The following ANO5 variants were observed in gnomAD, a reference collection of about 807,000 sequenced individuals.
ANO5 encodes anoctamin-5.
ANO5 carries 109 observed loss-of-function variants against 121.0 expected under a neutral mutation model. The ratio of observed to expected loss-of-function variants is 0.90; its 90% CI spans 0.77 to 1.06. The LOEUF is 1.06. Among genes scored for constraint, ANO5 ranks in the 50% least tolerant of loss-of-function variants. The pLI, the probability that ANO5 is intolerant of heterozygous loss-of-function variation, is 0.00. For missense variants in ANO5, 1,064 were observed against 1,078.5 expected (o/e 0.99, Z 0.19); for synonymous variants, 406 against 359.9 (o/e 1.13, Z -1.45).
chr11:22,259,214 C>T (rs1474305859), intron 14 of ANO5, among the ~76,000 whole-genome samples: 1 of 151,954 alleles, frequency 6.6e-6, no homozygotes, highest in Admixed American at 6.5e-5. Flanking sequence ...AGGCCACGGG[C>T]AGGATTTGGC....
Position 22,262,265 on chromosome 11 carries a change from C to G in ANO5, c.1767C>G (p.Tyr589Ter). 1 of 1,613,758 alleles carries G rather than the reference C, an allele frequency of 6.2e-7. No individual in the cohort carries two copies. Among genetic ancestry groups the G allele is most frequent in the Non-Finnish European group, 8.5e-7 (1 of 1,179,906 alleles). ...AGTTCGTAGGCTATCCTGGAAAATA[C>G]ACATATTTATTTAATGAGTGGAGAA... ...KGKFVGYPGK[Y>*]TYLFNEWRSE... Residue 589 changes from tyrosine to a stop codon, truncating the protein, a stop_gained, in exon 16 of 22, where the codon TAC becomes TAG. Transcript: ENST00000324559. LOFTEE classifies it high-confidence loss of function.
Position 22,279,828 on chromosome 11 carries a change from C to A in ANO5, c.*63C>A. On this transcript the variant is annotated 3_prime_UTR_variant, in exon 22 of 22. Transcript: ENST00000324559. ...TTCACTTTATCCTCTGGTTTTAGGG[C>A]CAGACGCCAGAAGCCATGTGTCAAT... 2.9e-6 allele frequency: 4 copies of A among 1,361,434 alleles called. No homozygotes were observed. The highest frequency in any genetic ancestry group is 4.1e-6 in the Non-Finnish European group (4 of 964,432). 84.3% of individuals were successfully genotyped at this position (1,361,434 alleles called of 1,614,324 possible). A position where few individuals can be genotyped will look rare whatever the true frequency, so the allele number is the denominator to read the frequency against.
At chr11:22,243,205 GGTGAAT>G (rs2133679163) in intron 9 of ANO5, among the ~76,000 whole-genome samples, 1 of 152,106 alleles carries the variant, frequency 6.6e-6, no homozygotes, top group Non-Finnish European at 1.5e-5. Context: ...CTATTTATGT[GGTGAAT>G]CACATTTACT....
chr11:22,201,152 T>G (rs955579825), intron 1 of ANO5, among the ~76,000 whole-genome samples: 1 of 152,150 alleles, frequency 6.6e-6, no homozygotes, highest in African/African-American at 2.4e-5. Context: ...GCATGGCAAG[T>G]TATCATTATA....
chr11:22,198,865 T>C (rs1851884881), intron 1 of ANO5, among the ~76,000 whole-genome samples: 1 of 152,214 alleles, frequency 6.6e-6, no homozygotes, highest in Non-Finnish European at 1.5e-5. Flanking sequence ...CCATTCTAAA[T>C]TGGTCTCCTT....
intron 12 of ANO5, among the ~76,000 whole-genome samples, chr11:22,252,622 T>C (rs181290603): frequency 4.7e-4 from 71 of 151,978 alleles, no homozygotes; most frequent in Admixed American, 1.6e-3. Context: ...TGCAAATATT[T>C]TTTTCAGTTT....
intron 17 of ANO5, among the ~76,000 whole-genome samples, chr11:22,263,419 A>G (rs1479295680): frequency 1.3e-5 from 2 of 152,174 alleles, no homozygotes; most frequent in African/African-American, 4.8e-5. Context: ...AGTTTATTCT[A>G]CATGCTGTGT....
In ANO5 at chr11:22,262,265, C is replaced by A. The variant is rs188150039; in HGVS notation, c.1767C>A (p.Tyr589Ter). The A allele has an allele frequency of 2.5e-6, 4 of 1,613,758 alleles. No individual in the cohort carries two copies. The highest frequency in any genetic ancestry group is 1.7e-5 in the Admixed American group (1 of 60,008). The change falls in exon 16 of 22, where the codon TAC (tyrosine) becomes TAA (stop). Residue 589 changes from tyrosine to a stop codon, truncating the protein, a stop_gained. Coordinates refer to ENST00000324559, the MANE Select transcript of ANO5 (RefSeq NM_213599.3). LOFTEE classifies it high-confidence loss of function. Reference protein sequence around the residue: ...KGKFVGYPGKYTYLFNEWRSE... With the variant: ...KGKFVGYPGK ...AGTTCGTAGGCTATCCTGGAAAATA[C>A]ACATATTTATTTAATGAGTGGAGAA...
intron 12 of ANO5, among the ~76,000 whole-genome samples, chr11:22,252,022 G>A (rs1271130645): frequency 1.2e-5 from 1 of 80,426 alleles, no homozygotes; most frequent in African/African-American, 5.8e-5. Context: ...AGAGCAAGAC[G>A]CCGTCTCAAA....
At chr11:22,262,794 A>G (rs1275126830) in intron 16 of ANO5, 152 bp from the exon 17 acceptor site, 1 of 684,316 alleles carries the variant, frequency 1.5e-6, no homozygotes, top group Non-Finnish European at 2.6e-6. Flanking sequence ...CTGGTCTGTG[A>G]TCAGGTTTGG....
At chr11:22,266,853 T>G (rs1451557611) in intron 17 of ANO5, among the ~76,000 whole-genome samples, 1 of 152,136 alleles carries the variant, frequency 6.6e-6, no homozygotes, top group Non-Finnish European at 1.5e-5. Context: ...TTGGACTCTA[T>G]CCACTAGATG....
At chr11:22,211,132 A>T in intron 2 of ANO5, 132 bp from the exon 3 acceptor site, 1 of 967,724 alleles carries the variant, frequency 1.0e-6, no homozygotes, top group Non-Finnish European at 1.6e-6. Flanking sequence ...ACAGTTTTGC[A>T]TATGATTTAA....
intron 2 of ANO5, among the ~76,000 whole-genome samples, chr11:22,206,534 G>A (rs1852127265): frequency 6.6e-6 from 1 of 151,928 alleles, no homozygotes; most frequent in South Asian, 2.1e-4. Context: ...GGCTGGTCTC[G>A]AACTCCTGAC....
chr11:22,252,595 TTGTC>T (rs1260776086), intron 12 of ANO5, among the ~76,000 whole-genome samples: 1 of 152,246 alleles, frequency 6.6e-6, no homozygotes, highest in Non-Finnish European at 1.5e-5. Flanking sequence ...CAGTAATCCT[TTGTC>T]TGCCACATAA....
chr11:22,257,128 G>A lies in ANO5; in HGVS notation c.1333-552G>A, dbSNP rs532338101. On this transcript the variant is annotated intron_variant, in intron 13 of 21. Transcript: ENST00000324559. ...TTTTTTACTATTTTTTGCTTCTTTTGGGTAAAATCTACTTACTTCTTGATG... is the reference window on the plus strand; with the variant it reads ...TTTTTTACTATTTTTTGCTTCTTTTAGGTAAAATCTACTTACTTCTTGATG... Among the ~76,000 whole-genome samples the A allele has an allele frequency of 8.0e-5, 12 of 150,644 alleles. No homozygotes were observed. In the East Asian group the frequency reaches 2.4e-3, roughly 30 times the overall value.
chr11:22,194,503 T>A (rs1416628860), intron 1 of ANO5, among the ~76,000 whole-genome samples: 2 of 151,604 alleles, frequency 1.3e-5, no homozygotes, highest in African/African-American at 4.9e-5. Context: ...TAAAGTTGGA[T>A]TTTTTTTAGT....
chr11:22,203,672 A>G lies in ANO5; in HGVS notation c.41-132A>G, dbSNP rs545700953. 13 of 596,330 alleles carry G rather than the reference A, an allele frequency of 2.2e-5. No individual in the cohort carries two copies. In the East Asian group the frequency reaches 3.0e-4, roughly 14 times the overall value. 36.9% of individuals were successfully genotyped at this position (596,330 alleles called of 1,614,324 possible). A position where few individuals can be genotyped will look rare whatever the true frequency, so the allele number is the denominator to read the frequency against. On this transcript the variant is annotated intron_variant, in intron 1 of 21. Transcript: ENST00000324559. ...ACAATTTAGCTCCGAATCATCTTGT[A>G]TCTTTTCTTCTAGTATTTTTTCTTT...
At chr11:22,215,953 T>C (rs958449612) in intron 3 of ANO5, among the ~76,000 whole-genome samples, 1 of 151,874 alleles carries the variant, frequency 6.6e-6, no homozygotes, top group Non-Finnish European at 1.5e-5. Context: ...CTAAGACTCA[T>C]GCAAAACTCC....
intron 17 of ANO5, among the ~76,000 whole-genome samples, chr11:22,266,619 A>G (rs557590779): frequency 2.0e-5 from 3 of 151,788 alleles, no homozygotes; most frequent in South Asian, 2.1e-4. Context: ...TCTTTTTTCA[A>G]TTTATTTCTA....
Sources: gnomAD v4.1 joint callset for allele counts (sites outside exome capture counted in the v4.1 genomes callset) on GRCh38, gnomAD v4.1.1 for gene constraint, MANE v1.5 for transcripts, NCBI Gene and HGNC (gene_info 2026-07-23, HGNC 2026-07-21) for gene names.